ZNF25: variants seen among roughly 807,000 people sequenced by gnomAD.
ZNF25 encodes the protein zinc finger protein 25 (KOX 19).
A neutral mutation model predicts 30.9 loss-of-function variants in ZNF25; 21 were observed. The ratio of observed to expected loss-of-function variants is 0.68; its 90% CI spans 0.48 to 0.98. The LOEUF (loss-of-function observed/expected upper bound fraction) is 0.98, where lower values mean the gene tolerates loss of function less well. ZNF25 is among the 50% of genes least tolerant of loss of function. The probability of loss-of-function intolerance (pLI) is 0.00; values close to 1 mark genes in which losing one functional copy is unlikely to be tolerated. For synonymous variants in ZNF25, 169 were observed against 181.3 expected (o/e 0.93, Z 0.55); for missense variants, 501 against 529.9 (o/e 0.95, Z 0.54).
intron 4 of ZNF25, among the ~76,000 whole-genome samples, chr10:37,954,907 A>G (rs1274844929): frequency 6.6e-6 from 1 of 152,128 alleles, no homozygotes; most frequent in East Asian, 1.9e-4. Context: ...TAATCCCGGC[A>G]CTTTGAGAGG....
chr10:37,969,286 T>A (rs949385108), intron 2 of ZNF25, among the ~76,000 whole-genome samples: 4 of 152,164 alleles, frequency 2.6e-5, no homozygotes, highest in African/African-American at 9.7e-5. Context: ...ATACCCGAAA[T>A]AATTGAAAAT....
chr10:37,953,458 C>T (rs1325345117), intron 5 of ZNF25: 4 of 605,350 alleles, frequency 6.6e-6, no homozygotes, highest in Non-Finnish European at 1.2e-5. Flanking sequence ...AATAGAGACT[C>T]CCTTTCATTA....
At chr10:37,964,522 C>T (rs1046710049) in intron 2 of ZNF25, among the ~76,000 whole-genome samples, 6 of 152,190 alleles carry the variant, frequency 3.9e-5, no homozygotes, top group Non-Finnish European at 7.3e-5. Flanking sequence ...TGTCCTGGCA[C>T]AGAGCTTGGC....
chr10:37,954,768 G>T (rs1230675268), intron 4 of ZNF25, among the ~76,000 whole-genome samples: 1 of 152,124 alleles, frequency 6.6e-6, no homozygotes, highest in African/African-American at 2.4e-5. Flanking sequence ...AGATGCTTGG[G>T]GTTGGAATTT....
In ZNF25 at chr10:37,952,339, A is replaced by G; in HGVS notation, c.1159T>C (p.Leu387=). ...TCTCCTGTGTGAGTCCTTTGATGTA[A>G]TCTGAGGACTGAATTCACAGCAAAA... ...KSFAVNSVLR[L]HQRTHTGEKP... is the part of the protein sequence containing the mutation. Residue 387 remains leucine, a synonymous_variant, in exon 6 of 6, where the codon TTA becomes CTA. Coordinates refer to ENST00000302609, the MANE Select transcript of ZNF25 (RefSeq NM_145011.4). 1 of 1,610,920 alleles carries G rather than the reference A, an allele frequency of 6.2e-7. No homozygotes were observed. Among genetic ancestry groups the G allele is most frequent in the Non-Finnish European group, 8.5e-7 (1 of 1,179,068 alleles).
At chr10:37,974,593 T>C (rs1028319998) in intron 1 of ZNF25, among the ~76,000 whole-genome samples, 3 of 151,984 alleles carry the variant, frequency 2.0e-5, no homozygotes, top group African/African-American at 7.2e-5. Flanking sequence ...AAAACAGCTA[T>C]TATAAAAAAG....
chr10:37,957,260 C>T lies in ZNF25; in HGVS notation c.143-145G>A. On this transcript the variant is annotated intron_variant, in intron 3 of 5. Coordinates refer to ENST00000302609, the MANE Select transcript of ZNF25 (RefSeq NM_145011.4). The stretch of plus-strand genomic sequence containing the variant: ...GATTCTTTCAGCGGGGAGAGAGGGA[C>T]ACAAATATTTTTTCTAGTACCCAAA... 3.2e-6 allele frequency: 4 copies of T among 1,254,408 alleles called. No homozygotes were observed. The South Asian group carries it at 5.9e-5, about 18-fold the overall frequency. The allele number at this position is 1,254,408 out of a possible 1,614,324, so 77.7% of individuals were successfully genotyped here.
Position 37,951,572 on chromosome 10 carries a change from T to G in ZNF25, c.*555A>C, listed in dbSNP as rs1283612242. The G allele has an allele frequency of 6.6e-6, 1 of 152,266 alleles. No individual in the cohort carries two copies. Among genetic ancestry groups the G allele is most frequent in the Admixed American group, 6.5e-5 (1 of 15,274 alleles). 9.4% of individuals were successfully genotyped at this position (152,266 alleles called of 1,614,324 possible). A position where few individuals can be genotyped will look rare whatever the true frequency, so the allele number is the denominator to read the frequency against. ...TTATTTGAATTTTTATTGAACACCT[T>G]CCAAATATTTAAAATATCTATCCAA... On this transcript the variant is annotated 3_prime_UTR_variant, in exon 6 of 6. Coordinates refer to ENST00000302609, the MANE Select transcript of ZNF25 (RefSeq NM_145011.4).
rs200176501 is a variant in ZNF25 at position 37,961,384 on chromosome 10, CAT to C, written c.16-3840_16-3839del. On this transcript the variant is annotated intron_variant, in intron 2 of 5. Transcript: ENST00000302609. Reference sequence around the variant, plus strand: ...CCTAAGAGGGTAAGGACAAAACTGACATATGACTTCTCATATGTAGAACCAAA... The same window carrying C: ...CCTAAGAGGGTAAGGACAAAACTGACATGACTTCTCATATGTAGAACCAAA... Among the ~76,000 whole-genome samples, 1,146 of 152,216 alleles carry C rather than the reference CAT, an allele frequency of 7.5e-3. 16 individuals carry two copies. Among genetic ancestry groups the C allele is most frequent in the African/African-American group, 0.026 (1,085 of 41,540 alleles).
rs1431785060 is a variant in ZNF25 at position 37,951,417 on chromosome 10, T to C, written c.*710A>G. On this transcript the variant is annotated 3_prime_UTR_variant, in exon 6 of 6. Transcript: ENST00000302609. The stretch of plus-strand genomic sequence containing the variant: ...GACATTTAATGTATGTTTAATGATG[T>C]TGCCTGATAACTTGTGCTTTTTAAA... The C allele has an allele frequency of 1.3e-5, 2 of 152,302 alleles. No homozygotes were observed. The highest frequency in any genetic ancestry group is 2.9e-5 in the Non-Finnish European group (2 of 68,042). 9.4% of individuals were successfully genotyped at this position (152,302 alleles called of 1,614,324 possible).
In ZNF25 at chr10:37,952,145, C is replaced by A; in HGVS notation, c.1353G>T (p.Lys451Asn). The A allele has an allele frequency of 1.3e-6, 2 of 1,570,656 alleles. No homozygotes were observed. The highest frequency in any genetic ancestry group is 3.9e-5 in the Admixed American group (2 of 51,106). Reference sequence around the variant, plus strand: ...ACTCATCTTACTTCTCAGCATTCCTCTTCTTTGTGTGTGTCTTCTGATGTG... The same window carrying A: ...ACTCATCTTACTTCTCAGCATTCCTATTCTTTGTGTGTGTCTTCTGATGTG... ...LTAHQKTHTK[K>N]RNAEK Residue 451 changes from lysine to asparagine, a missense_variant, in exon 6 of 6, where the codon AAG (lysine) becomes AAT (asparagine). Physicochemically the swap from Lys to Asn is moderately conservative, Grantham distance 94. Transcript: ENST00000302609.
intron 1 of ZNF25, among the ~76,000 whole-genome samples, chr10:37,972,550 T>C (rs2063548579): frequency 6.6e-6 from 1 of 152,194 alleles, no homozygotes; most frequent in Admixed American, 6.5e-5. Flanking sequence ...TAAAATTTAA[T>C]TAGGCCCTGA....
At chr10:37,973,824 G>C (rs1318716271) in intron 1 of ZNF25, among the ~76,000 whole-genome samples, 1 of 151,928 alleles carries the variant, frequency 6.6e-6, no homozygotes, top group South Asian at 2.1e-4. Flanking sequence ...AGTAGCCAAA[G>C]CAATTTTGTG....
chr10:37,973,210 T>C (rs896063239), intron 1 of ZNF25, among the ~76,000 whole-genome samples: 3 of 147,894 alleles, frequency 2.0e-5, no homozygotes, highest in Non-Finnish European at 4.5e-5. Flanking sequence ...ACACCAACAG[T>C]GAACAATCTG....
rs140701576 is a variant in ZNF25, at chr10:37,951,827, T to C, written c.*300A>G. On this transcript the variant is annotated 3_prime_UTR_variant, in exon 6 of 6. Transcript: ENST00000302609. ...CGTTTTACTTACAGGATTTTTCTCC[T>C]GTGTGACTTCTATGTTGCAAAACAA... 83 of 287,656 alleles carry C rather than the reference T, an allele frequency of 2.9e-4. No individual in the cohort carries two copies. Among genetic ancestry groups the C allele is most frequent in the South Asian group, 2.5e-4 (2 of 8,022 alleles). 17.8% of individuals were successfully genotyped at this position (287,656 alleles called of 1,614,324 possible). A position where few individuals can be genotyped will look rare whatever the true frequency, so the allele number is the denominator to read the frequency against.
intron 2 of ZNF25, among the ~76,000 whole-genome samples, chr10:37,959,065 T>G (rs191025467): frequency 2.0e-4 from 31 of 152,134 alleles, no homozygotes; most frequent in African/African-American, 7.2e-4. Context: ...AATAATAAAT[T>G]TAACAAGTTT....
intron 2 of ZNF25, among the ~76,000 whole-genome samples, chr10:37,970,357 A>T (rs2063419057): frequency 6.6e-6 from 1 of 152,170 alleles, no homozygotes; most frequent in Non-Finnish European, 1.5e-5. Flanking sequence ...ATGCTAACAA[A>T]CTAAAAAAGA....
intron 5 of ZNF25, 97 bp from the exon 6 acceptor site, chr10:37,953,292 C>G (rs2062294123): frequency 4.4e-6 from 5 of 1,144,104 alleles, no homozygotes; most frequent in Non-Finnish European, 6.1e-6. Context: ...CCTCTGAGGA[C>G]CGATTTCTAG....
chr10:37,953,078 G>A lies in ZNF25; in HGVS notation c.420C>T (p.His140=). The A allele has an allele frequency of 6.2e-7, 1 of 1,613,972 alleles. No individual in the cohort carries two copies. The highest frequency in any genetic ancestry group is 8.5e-7 in the Non-Finnish European group (1 of 1,179,984). Residue 140 remains histidine, a synonymous_variant, in exon 6 of 6, where the codon CAC becomes CAT. Coordinates refer to ENST00000302609, the MANE Select transcript of ZNF25 (RefSeq NM_145011.4). ...CACAGTCATAGGATTTGCCCTTTGAGTGAGTATGCTGATGTACTATGAGGG... is the reference window on the plus strand; with the variant it reads ...CACAGTCATAGGATTTGCCCTTTGAATGAGTATGCTGATGTACTATGAGGG... ...KSALIVHQHT[H]SKGKSYDCDK... is the part of the protein sequence containing the mutation.
Sources: allele counts gnomAD v4.1 joint callset (sites outside exome capture counted in the v4.1 genomes callset), GRCh38; gene constraint gnomAD v4.1.1; transcripts MANE v1.5; gene names NCBI Gene and HGNC (gene_info 2026-07-23, HGNC 2026-07-21).